KLHL29: variants seen among roughly 807,000 people sequenced by gnomAD.
KLHL29 encodes kelch like family member 29, also known as kelch-like protein 29.
A neutral mutation model predicts 80.4 loss-of-function variants in KLHL29; 21 were observed. The ratio of observed to expected loss-of-function variants is 0.26; its 90% CI spans 0.19 to 0.38. The LOEUF (loss-of-function observed/expected upper bound fraction) is 0.38, where lower values mean the gene tolerates loss of function less well. KLHL29 is among the 10% of genes least tolerant of loss of function. The probability of loss-of-function intolerance (pLI) is 1.00; values close to 1 mark genes in which losing one functional copy is unlikely to be tolerated. For missense variants in KLHL29, 867 were observed against 1,223.9 expected (o/e 0.71, Z 4.35); for synonymous variants, 511 against 526.8 (o/e 0.97, Z 0.41).
chr2:23,640,081 C>A (rs887151868), intron 4 of KLHL29, among the ~76,000 whole-genome samples: 1 of 152,190 alleles, frequency 6.6e-6, no homozygotes, highest in Non-Finnish European at 1.5e-5. Flanking sequence ...AACAGCACCC[C>A]GAGATGCCCC....
chr2:23,555,368 T>C (rs1160609266), intron 2 of KLHL29, among the ~76,000 whole-genome samples: 1 of 152,206 alleles, frequency 6.6e-6, no homozygotes, highest in Non-Finnish European at 1.5e-5. Context: ...AGTCAGGGGC[T>C]GAGGCTACTT....
At chr2:23,390,627 A>C (rs1666295451) in intron 1 of KLHL29, among the ~76,000 whole-genome samples, 1 of 151,364 alleles carries the variant, frequency 6.6e-6, no homozygotes, top group African/African-American at 2.4e-5. Flanking sequence ...TGGTTTAAAA[A>C]CACATAAAAT....
intron 1 of KLHL29, among the ~76,000 whole-genome samples, chr2:23,454,309 C>T (rs758816317): frequency 6.6e-6 from 1 of 152,088 alleles, no homozygotes; most frequent in Non-Finnish European, 1.5e-5. Context: ...CTGTCACGTC[C>T]TGTGTCCCAT....
Position 23,642,848 on chromosome 2 carries a change from G to A in KLHL29, c.938G>A (p.Arg313Lys). Reference protein sequence around the residue: ...KYEFTDPGHPREMLKELNQQR... With the variant: ...KYEFTDPGHPKEMLKELNQQR... ...GAGTTCACCGACCCGGGGCACCCCA[G>A]AGGTAAGTCCTGCTGCCACGTGCCT... The change falls in exon 5 of 14, where the codon AGA (arginine) becomes AAA (lysine). Residue 313 changes from arginine (R) to lysine (K), a missense_variant and splice_region_variant. Transcript: ENST00000486442. 1 of 1,550,386 alleles carries A rather than the reference G, an allele frequency of 6.5e-7. No individual in the cohort carries two copies. The highest frequency in any genetic ancestry group is 8.7e-7 in the Non-Finnish European group (1 of 1,146,858).
intron 1 of KLHL29, among the ~76,000 whole-genome samples, chr2:23,423,783 G>A (rs1330527402): frequency 6.6e-6 from 1 of 152,180 alleles, no homozygotes; most frequent in Non-Finnish European, 1.5e-5. Flanking sequence ...CCATCCTGGA[G>A]TGTCCTAGCC....
chr2:23,387,168 CG>C (rs1381638811), intron 1 of KLHL29, among the ~76,000 whole-genome samples: 2 of 152,198 alleles, frequency 1.3e-5, no homozygotes, highest in African/African-American at 4.8e-5. Context: ...GAGACCTCGG[CG>C]CTGGAGGGAC....
intron 5 of KLHL29, among the ~76,000 whole-genome samples, chr2:23,655,378 T>G (rs1026414189): frequency 2.0e-5 from 3 of 152,228 alleles, no homozygotes; most frequent in Non-Finnish European, 4.4e-5. Context: ...CTTATGCCCT[T>G]TAAAATGAAT....
At chr2:23,620,449 G>C (rs920344652) in intron 3 of KLHL29, among the ~76,000 whole-genome samples, 3 of 152,172 alleles carry the variant, frequency 2.0e-5, no homozygotes, top group Non-Finnish European at 4.4e-5. Flanking sequence ...AGGGCTGCTA[G>C]AGGAAATATT....
At chr2:23,478,674 T>C (rs539710988) in intron 2 of KLHL29, among the ~76,000 whole-genome samples, 2 of 152,212 alleles carry the variant, frequency 1.3e-5, no homozygotes, top group East Asian at 3.9e-4. Context: ...CACCTCGGGC[T>C]CTGGAGGTGG....
chr2:23,632,026 G>A (rs1548020), intron 3 of KLHL29, among the ~76,000 whole-genome samples: 22,346 of 152,090 alleles, frequency 0.15, 2,111 homozygotes, highest in Non-Finnish European at 0.21. Context: ...CACATTTTTG[G>A]GTCCCTCGCC....
At chr2:23,656,142 G>A (rs1228384109) in intron 5 of KLHL29, among the ~76,000 whole-genome samples, 6 of 152,334 alleles carry the variant, frequency 3.9e-5, no homozygotes, top group South Asian at 2.1e-4. Context: ...AGAGATTTCT[G>A]TGCAAGAAGG....
chr2:23,388,909 A>G lies in KLHL29; in HGVS notation c.-154+3129A>G, dbSNP rs1267076868. 2.6e-5 allele frequency among the ~76,000 whole-genome samples: 4 copies of G among 151,372 alleles called. No individual in the cohort carries two copies. In the East Asian group the frequency reaches 7.7e-4, roughly 29 times the overall value. ...CTCACTTTTTGGCTGGGAGACATCAATTCAGTCCAGCAGAACTAACTAAAG... is the reference window on the plus strand; with the variant it reads ...CTCACTTTTTGGCTGGGAGACATCAGTTCAGTCCAGCAGAACTAACTAAAG... On this transcript the variant is annotated intron_variant, in intron 1 of 13. Coordinates refer to ENST00000486442, the MANE Select transcript of KLHL29 (RefSeq NM_052920.2).
At chr2:23,650,934 T>G (rs1670072850) in intron 5 of KLHL29, among the ~76,000 whole-genome samples, 1 of 145,226 alleles carries the variant, frequency 6.9e-6, no homozygotes, top group Admixed American at 6.7e-5. Context: ...GGGAAGGACA[T>G]CATGGCACCC....
chr2:23,480,078 G>C (rs537568868), intron 2 of KLHL29, among the ~76,000 whole-genome samples: 1 of 152,202 alleles, frequency 6.6e-6, no homozygotes, highest in East Asian at 1.9e-4. Context: ...GCTGTAAAAC[G>C]GGAATAACCA....
At chr2:23,476,480 A>G (rs1278721842) in intron 2 of KLHL29, among the ~76,000 whole-genome samples, 1 of 152,120 alleles carries the variant, frequency 6.6e-6, no homozygotes, top group Admixed American at 6.5e-5. Flanking sequence ...AACAGTGCAC[A>G]CAGGATCTGA....
At chr2:23,643,869 G>A (rs557059212) in intron 5 of KLHL29, 8 of 152,290 alleles carry the variant, frequency 5.3e-5, no homozygotes, top group African/African-American at 1.4e-4. Flanking sequence ...GACACTAGAC[G>A]GTCCCAGAAA....
chr2:23,550,038 G>T (rs547664323), intron 2 of KLHL29, among the ~76,000 whole-genome samples: 5 of 152,160 alleles, frequency 3.3e-5, no homozygotes, highest in African/African-American at 1.2e-4. Flanking sequence ...CCAGCCCAGC[G>T]TGGTCCCTCC....
At chr2:23,419,851 G>A (rs1662735543) in intron 1 of KLHL29, among the ~76,000 whole-genome samples, 1 of 152,112 alleles carries the variant, frequency 6.6e-6, no homozygotes, top group African/African-American at 2.4e-5. Flanking sequence ...TGAGAGGAAG[G>A]GACTTGGGGC....
chr2:23,436,262 G>A (rs919744591), intron 1 of KLHL29, among the ~76,000 whole-genome samples: 3 of 147,844 alleles, frequency 2.0e-5, no homozygotes, highest in African/African-American at 7.5e-5. Flanking sequence ...TTTAAGAGAA[G>A]TAAATAGCCA....
Sources: allele counts gnomAD v4.1 joint callset (sites outside exome capture counted in the v4.1 genomes callset), GRCh38; gene constraint gnomAD v4.1.1; transcripts MANE v1.5; gene names NCBI Gene and HGNC (gene_info 2026-07-23, HGNC 2026-07-21).